The following SRGAP3 variants were observed in gnomAD, a reference collection of about 807,000 sequenced individuals.
SRGAP3 encodes SLIT-ROBO Rho GTPase-activating protein 3.
A neutral mutation model predicts 121.1 loss-of-function variants in SRGAP3; 39 were observed. The ratio of observed to expected loss-of-function variants is 0.32; its 90% CI spans 0.25 to 0.42. The LOEUF (loss-of-function observed/expected upper bound fraction) is 0.42, where lower values mean the gene tolerates loss of function less well. SRGAP3 is among the 10% of genes least tolerant of loss of function. The pLI is 1.00. For synonymous variants in SRGAP3, 601 were observed against 570.0 expected (o/e 1.05, Z -0.77); for missense variants, 1,213 against 1,470.6 (o/e 0.82, Z 2.86).
At chr3:9,156,550 C>T (rs897412759) in intron 1 of SRGAP3, among the ~76,000 whole-genome samples, 1 of 152,260 alleles carries the variant, frequency 6.6e-6, no homozygotes, top group Non-Finnish European at 1.5e-5. Flanking sequence ...TCCAGAGAAG[C>T]TTTCTTTCTA....
At chr3:9,086,531 A>C (rs1048214100) in intron 3 of SRGAP3, among the ~76,000 whole-genome samples, 1 of 151,164 alleles carries the variant, frequency 6.6e-6, no homozygotes, top group Non-Finnish European at 1.5e-5. Context: ...AAAAAAAAAA[A>C]AAAAAAACCA....
At chr3:9,166,536 C>G (rs373761951) in intron 1 of SRGAP3, among the ~76,000 whole-genome samples, 21 of 152,252 alleles carry the variant, frequency 1.4e-4, no homozygotes, top group Admixed American at 1.0e-3. Context: ...CCTCAACATG[C>G]AGATGAATGA....
At chr3:8,992,747 G>T in intron 20 of SRGAP3, 159 bp downstream of exon 20, 1 of 1,311,484 alleles carries the variant, frequency 7.6e-7, no homozygotes, top group Non-Finnish European at 1.1e-6. Flanking sequence ...GGCCTTCTTG[G>T]GCCAATGCCA....
At position 9,323,236 on chromosome 3, in the gene SRGAP3, G is replaced by A. The variant is rs148623595; in HGVS notation, n.442+2774C>T. On this transcript the variant is annotated intron_variant and non_coding_transcript_variant, in intron 3 of 3. Coordinates refer to the SRGAP3 transcript ENST00000490889. ...TTTTGGGGTGGGATGAAACTGTTCT[G>A]TATCTTGACTGTGGTGATGATTACA... is the stretch of plus-strand genomic sequence containing the variant. Among the ~76,000 whole-genome samples, 527 of 151,928 alleles carry A rather than the reference G, an allele frequency of 3.5e-3. 3 individuals are homozygous for A. Among genetic ancestry groups the A allele is most frequent in the Middle Eastern group, 0.027 (8 of 294 alleles).
At chr3:9,173,573 A>G (rs1016077837) in intron 1 of SRGAP3, among the ~76,000 whole-genome samples, 2 of 152,158 alleles carry the variant, frequency 1.3e-5, no homozygotes, top group African/African-American at 4.8e-5. Context: ...GGCTGATAGG[A>G]TGCTTGCTGG....
At chr3:9,233,278 C>T (rs529435016) in intron 1 of SRGAP3, among the ~76,000 whole-genome samples, 2 of 152,196 alleles carry the variant, frequency 1.3e-5, no homozygotes, top group African/African-American at 4.8e-5. Flanking sequence ...CACCATGAGC[C>T]GTGATTGAAC....
At chr3:9,261,205 C>T (rs1284242075) in intron 3 of SRGAP3, among the ~76,000 whole-genome samples, 1 of 152,182 alleles carries the variant, frequency 6.6e-6, no homozygotes, top group Non-Finnish European at 1.5e-5. Flanking sequence ...TCACCAACAT[C>T]AAAGGCCAAA....
chr3:9,312,206 G>A (rs983825563), intron 3 of SRGAP3, among the ~76,000 whole-genome samples: 1 of 152,162 alleles, frequency 6.6e-6, no homozygotes, highest in Non-Finnish European at 1.5e-5. Context: ...CCAGCCTGGA[G>A]TGCAATGGTG....
intron 4 of SRGAP3, among the ~76,000 whole-genome samples, chr3:9,070,409 G>C (rs1231642195): frequency 1.3e-5 from 2 of 152,244 alleles, no homozygotes; most frequent in East Asian, 1.9e-4. Flanking sequence ...TGAAGGAAAA[G>C]AGAAGCAAAG....
chr3:9,058,556 T>C, intron 6 of SRGAP3, 84 bp from the exon 7 acceptor site: 2 of 1,366,970 alleles, frequency 1.5e-6, no homozygotes, highest in Non-Finnish European at 2.1e-6. Context: ...TGACTTACAA[T>C]TACCTCCCTT....
At chr3:9,233,186 G>A (rs1199266055) in intron 1 of SRGAP3, among the ~76,000 whole-genome samples, 3 of 152,206 alleles carry the variant, frequency 2.0e-5, no homozygotes, top group Admixed American at 6.5e-5. Context: ...ACACAGTGAG[G>A]TGTTATTATG....
rs187247587 is a variant in SRGAP3, at chr3:9,016,239, T to C, written c.1679-508A>G. On this transcript the variant is annotated intron_variant, in intron 14 of 21. Coordinates refer to ENST00000383836, the MANE Select transcript of SRGAP3 (RefSeq NM_014850.4). The stretch of plus-strand genomic sequence containing the variant: ...CATGGTGTCTTTTATAGACTTTTTT[T>C]CAAAAGCCAAGATCTAATCAACATT... 2.2e-3 allele frequency among the ~76,000 whole-genome samples: 328 copies of C among 152,354 alleles called. 3 individuals carry two copies. The highest frequency in any genetic ancestry group is 2.9e-3 in the Non-Finnish European group (195 of 68,022).
At chr3:9,151,050 C>T (rs193139187) in intron 1 of SRGAP3, among the ~76,000 whole-genome samples, 269 of 152,290 alleles carry the variant, frequency 1.8e-3, no homozygotes, top group Admixed American at 3.6e-3. Flanking sequence ...GACTCTATTT[C>T]CACTTAGATT....
rs116553401 is a variant in SRGAP3 at position 9,262,282 on chromosome 3, T to C, written n.442+63728A>G. On this transcript the variant is annotated intron_variant and non_coding_transcript_variant, in intron 3 of 3. Transcript: ENST00000490889. ...TACCAAAATGTAAAGACCACAACAC[T>C]ATGAAGAAACTGCATCAACTAATAC... Among the ~76,000 whole-genome samples the C allele has an allele frequency of 3.7e-3, 558 of 152,088 alleles. 3 individuals are homozygous for C. Among genetic ancestry groups the C allele is most frequent in the African/African-American group, 0.013 (521 of 41,500 alleles).
chr3:9,093,712 A>G (rs1947854184), intron 3 of SRGAP3, among the ~76,000 whole-genome samples: 1 of 152,178 alleles, frequency 6.6e-6, no homozygotes, highest in African/African-American at 2.4e-5. Flanking sequence ...AATAACATGC[A>G]CCGTCCATCC....
chr3:9,049,243 C>G, intron 9 of SRGAP3: 2 of 369,008 alleles, frequency 5.4e-6, no homozygotes, highest in Non-Finnish European at 1.1e-5. Context: ...AGACTGGGGT[C>G]ACCTCACACT....
chr3:8,988,146 C>T (rs968365808), intron 21 of SRGAP3, among the ~76,000 whole-genome samples: 3 of 152,158 alleles, frequency 2.0e-5, no homozygotes, highest in Admixed American at 6.5e-5. Context: ...CAGAGCTGAG[C>T]GGCAGAGAGG....
intron 2 of SRGAP3, among the ~76,000 whole-genome samples, chr3:9,107,148 CTTGG>C (rs2124921646): frequency 6.6e-6 from 1 of 152,336 alleles, no homozygotes; most frequent in South Asian, 2.1e-4. Flanking sequence ...CAGATTTCTC[CTTGG>C]CTTATAGCCT....
chr3:9,163,509 G>A (rs1950673670), intron 1 of SRGAP3, among the ~76,000 whole-genome samples: 1 of 152,168 alleles, frequency 6.6e-6, no homozygotes, highest in Non-Finnish European at 1.5e-5. Context: ...TTGGCCTGTG[G>A]CTCATCACTG....
Sources: gnomAD v4.1 joint callset for allele counts (sites outside exome capture counted in the v4.1 genomes callset) on GRCh38, gnomAD v4.1.1 for gene constraint, MANE v1.5 for transcripts, NCBI Gene and HGNC (gene_info 2026-07-23, HGNC 2026-07-21) for gene names.